ASTN2: variants seen among roughly 807,000 people sequenced by gnomAD.
The protein encoded by ASTN2 is astrotactin-2.
ASTN2 carries 54 observed loss-of-function variants against 139.8 expected under a neutral mutation model. The ratio of observed to expected loss-of-function variants is 0.39; its 90% CI spans 0.31 to 0.48. The LOEUF (loss-of-function observed/expected upper bound fraction) is 0.48, where lower values mean the gene tolerates loss of function less well. ASTN2 is among the 20% of genes least tolerant of loss of function. The pLI is 0.95. For synonymous variants in ASTN2, 756 were observed against 719.5 expected (o/e 1.05, Z -0.81); for missense variants, 1,565 against 1,725.1 (o/e 0.91, Z 1.64).
chr9:117,034,033 C>A (rs568858587), intron 6 of ASTN2, among the ~76,000 whole-genome samples: 65 of 152,254 alleles, frequency 4.3e-4, no homozygotes, highest in Non-Finnish European at 8.1e-4. Context: ...CTTTTTCAAT[C>A]TTGTGGCTGC....
intron 16 of ASTN2, among the ~76,000 whole-genome samples, chr9:116,681,602 T>C (rs1859871384): frequency 6.6e-6 from 1 of 152,276 alleles, no homozygotes; most frequent in East Asian, 1.9e-4. Context: ...GCTGGAAGCA[T>C]CACGCTACCT....
intron 4 of ASTN2, among the ~76,000 whole-genome samples, chr9:117,106,364 T>C (rs1302613507): frequency 6.6e-6 from 1 of 151,958 alleles, no homozygotes; most frequent in Non-Finnish European, 1.5e-5. Flanking sequence ...GTAGCTGTGA[T>C]TTTTGTATTT....
chr9:116,541,597 T>C (rs532248138), intron 19 of ASTN2, among the ~76,000 whole-genome samples: 43 of 152,162 alleles, frequency 2.8e-4, no homozygotes, highest in Non-Finnish European at 5.9e-4. Context: ...ACCAGGAAGA[T>C]AGGCAGTGGA....
chr9:117,135,396 G>A (rs1433768246), intron 4 of ASTN2, among the ~76,000 whole-genome samples: 1 of 152,204 alleles, frequency 6.6e-6, no homozygotes, highest in Non-Finnish European at 1.5e-5. Context: ...CAAATGCTCA[G>A]TAGATGGTAG....
At chr9:116,667,810 T>C (rs936711015) in intron 16 of ASTN2, among the ~76,000 whole-genome samples, 5 of 152,034 alleles carry the variant, frequency 3.3e-5, no homozygotes, top group African/African-American at 1.2e-4. Flanking sequence ...AATTTCTCTA[T>C]TTTCATGCCC....
chr9:116,928,285 A>T (rs1466240527), intron 10 of ASTN2, among the ~76,000 whole-genome samples: 1 of 152,204 alleles, frequency 6.6e-6, no homozygotes, highest in Non-Finnish European at 1.5e-5. Context: ...GAAACAGCTG[A>T]AATGCCAGTC....
At chr9:117,307,129 C>T (rs951208916) in intron 1 of ASTN2, among the ~76,000 whole-genome samples, 1 of 152,202 alleles carries the variant, frequency 6.6e-6, no homozygotes, top group South Asian at 2.1e-4. Context: ...GGGGAACACA[C>T]CCATTTATAT....
chr9:117,160,238 C>A (rs1830517461), intron 3 of ASTN2, among the ~76,000 whole-genome samples: 1 of 152,094 alleles, frequency 6.6e-6, no homozygotes, highest in South Asian at 2.1e-4. Flanking sequence ...CAAGTTTCTA[C>A]AACACCATGA....
At chr9:116,814,038 G>GA (rs1331893512) in intron 12 of ASTN2, among the ~76,000 whole-genome samples, 20,591 of 87,882 alleles carry the variant, frequency 0.23, 2,048 homozygotes, top group African/African-American at 0.38. Flanking sequence ...TCTGTCTCAA[G>GA]AAAAAAAAAA....
At chr9:116,732,702 G>A (rs1345422621) in intron 14 of ASTN2, among the ~76,000 whole-genome samples, 4 of 152,208 alleles carry the variant, frequency 2.6e-5, no homozygotes, top group African/African-American at 9.6e-5. Context: ...AAAATATGGA[G>A]TCTCAGGAAA....
chr9:117,054,661 C>T (rs536217123), intron 5 of ASTN2, among the ~76,000 whole-genome samples: 1 of 152,308 alleles, frequency 6.6e-6, no homozygotes, highest in East Asian at 1.9e-4. Context: ...CAGCAGGGCA[C>T]TGTACATAGA....
Position 117,063,502 on chromosome 9 carries a change from C to A in ASTN2, c.1277-23537G>T, listed in dbSNP as rs150545234. Among the ~76,000 whole-genome samples the A allele has an allele frequency of 6.0e-3, 920 of 152,306 alleles. 9 individuals carry two copies. Among genetic ancestry groups the A allele is most frequent in the African/African-American group, 0.02 (814 of 41,570 alleles). On this transcript the variant is annotated intron_variant, in intron 5 of 22. Coordinates refer to ENST00000313400, the MANE Select transcript of ASTN2 (RefSeq NM_001365068.1). The stretch of plus-strand genomic sequence containing the variant: ...CTCTCTTGCCTGCTGCAATATAAGA[C>A]GTGCCTTTCACCTTCCACCATGACT...
intron 2 of ASTN2, among the ~76,000 whole-genome samples, chr9:117,231,137 G>T (rs886785959): frequency 1.3e-5 from 2 of 152,204 alleles, no homozygotes; most frequent in African/African-American, 4.8e-5. Context: ...AATTGATTCA[G>T]TATATCTCAT....
At chr9:116,903,468 C>T (rs1254124369) in intron 10 of ASTN2, among the ~76,000 whole-genome samples, 2 of 152,152 alleles carry the variant, frequency 1.3e-5, no homozygotes, top group Non-Finnish European at 2.9e-5. Flanking sequence ...TGCAATGTGA[C>T]CTTGAGTGTT....
intron 10 of ASTN2, among the ~76,000 whole-genome samples, chr9:116,880,742 C>G (rs537730147): frequency 8.5e-5 from 13 of 152,196 alleles, no homozygotes; most frequent in African/African-American, 2.4e-4. Context: ...TTGCAGCCAT[C>G]CATGGCTGCC....
chr9:116,476,518 G>T (rs1848986923), intron 20 of ASTN2, among the ~76,000 whole-genome samples: 1 of 152,092 alleles, frequency 6.6e-6, no homozygotes, highest in South Asian at 2.1e-4. Flanking sequence ...TAACAGCCTG[G>T]TCCTTTCTCT....
chr9:116,951,358 A>AAAAAAG, intron 10 of ASTN2, among the ~76,000 whole-genome samples: 1 of 150,802 alleles, frequency 6.6e-6, no homozygotes, highest in African/African-American at 2.4e-5. Context: ...AAAAAAAAAA[A>AAAAAAG]AAAAAAAAAG....
At chr9:116,679,244 G>C (rs1259836278) in intron 16 of ASTN2, among the ~76,000 whole-genome samples, 1 of 151,996 alleles carries the variant, frequency 6.6e-6, no homozygotes, top group Non-Finnish European at 1.5e-5. Flanking sequence ...TTAAACCTTT[G>C]TTATTTGACA....
chr9:116,637,342 G>C (rs1857123765), intron 17 of ASTN2, among the ~76,000 whole-genome samples: 1 of 152,172 alleles, frequency 6.6e-6, no homozygotes, highest in South Asian at 2.1e-4. Flanking sequence ...TTTTTCTAGT[G>C]CAAGGCAGTG....
Sources: gnomAD v4.1 joint callset for allele counts (sites outside exome capture counted in the v4.1 genomes callset) on GRCh38, gnomAD v4.1.1 for gene constraint, MANE v1.5 for transcripts, NCBI Gene and HGNC (gene_info 2026-07-23, HGNC 2026-07-21) for gene names.